FHIT: variants seen among roughly 807,000 people sequenced by gnomAD.
The protein encoded by FHIT is bis(5'-adenosyl)-triphosphatase.
Under a neutral mutation model 17.9 loss-of-function variants are expected in FHIT, and 19 were observed. That is an observed-to-expected ratio of 1.06 (90% CI 0.74 to 1.56). The LOEUF (loss-of-function observed/expected upper bound fraction) is 1.56, where lower values mean the gene tolerates loss of function less well. Ranked by LOEUF, FHIT falls within the 40% of genes most tolerant of loss-of-function variation. The pLI is 0.00. For missense variants in FHIT, 248 were observed against 189.2 expected (o/e 1.31, Z -1.82); for synonymous variants, 81 against 69.7 (o/e 1.16, Z -0.81).
At chr3:60,122,605 T>C (rs989904032) in intron 5 of FHIT, among the ~76,000 whole-genome samples, 1 of 152,018 alleles carries the variant, frequency 6.6e-6, no homozygotes, top group Non-Finnish European at 1.5e-5. Flanking sequence ...CCTGAAAACA[T>C]TCAATTCAGG....
intron 3 of FHIT, among the ~76,000 whole-genome samples, chr3:61,026,080 C>T (rs1377887312): frequency 6.6e-6 from 1 of 151,988 alleles, no homozygotes; most frequent in East Asian, 1.9e-4. Context: ...TACATCTATA[C>T]TTTTGTGCAT....
intron 2 of FHIT, among the ~76,000 whole-genome samples, chr3:61,112,535 T>C (rs1281305065): frequency 2.0e-5 from 3 of 152,170 alleles, no homozygotes; most frequent in African/African-American, 7.2e-5. Context: ...CAATATTTTC[T>C]TTTCCTTTTC....
At chr3:60,326,484 TG>T (rs10718005) in intron 5 of FHIT, among the ~76,000 whole-genome samples, 152,205 of 152,206 alleles carry the variant, frequency 1, 76,102 homozygotes, top group Non-Finnish European at 1. Flanking sequence ...CAGGCAGTAA[TG>T]GGAGTGATGG....
intron 5 of FHIT, among the ~76,000 whole-genome samples, chr3:60,407,378 G>T (rs1701905901): frequency 6.6e-6 from 1 of 152,016 alleles, no homozygotes; most frequent in Admixed American, 6.5e-5. Flanking sequence ...CAAAAGATAA[G>T]TAATTGAATC....
chr3:59,819,821 G>A (rs1333128120), intron 8 of FHIT, among the ~76,000 whole-genome samples: 1 of 152,220 alleles, frequency 6.6e-6, no homozygotes, highest in Non-Finnish European at 1.5e-5. Flanking sequence ...ATTAAGAGGA[G>A]CCTTTGGGGA....
intron 5 of FHIT, among the ~76,000 whole-genome samples, chr3:60,291,445 A>C (rs10049216): frequency 0.41 from 62,759 of 151,618 alleles, 14,683 homozygotes; most frequent in East Asian, 0.77. Context: ...TTTACTGTAC[A>C]TATGGTAACA....
intron 8 of FHIT, among the ~76,000 whole-genome samples, chr3:59,839,982 C>T (rs1353536111): frequency 6.6e-6 from 1 of 152,188 alleles, no homozygotes; most frequent in Admixed American, 6.5e-5. Context: ...TTTCATGTTT[C>T]ACCACTGAAT....
intron 3 of FHIT, among the ~76,000 whole-genome samples, chr3:60,825,203 G>GGT (rs1203691761): frequency 9.2e-5 from 14 of 151,978 alleles, no homozygotes; most frequent in Admixed American, 4.6e-4. Context: ...CTTCTTGGGG[G>GGT]GTATACCAGG....
chr3:60,084,013 T>C (rs1435280126), intron 5 of FHIT, among the ~76,000 whole-genome samples: 1 of 148,944 alleles, frequency 6.7e-6, no homozygotes, highest in East Asian at 2.0e-4. Context: ...ACAAGAAAGA[T>C]GACCACCACA....
At chr3:59,924,068 A>G (rs1171007582) in intron 7 of FHIT, among the ~76,000 whole-genome samples, 1 of 152,214 alleles carries the variant, frequency 6.6e-6, no homozygotes, top group African/African-American at 2.4e-5. Context: ...GAAAAAATAA[A>G]TCACAAACTA....
At chr3:60,545,147 T>G (rs2036318929) in intron 4 of FHIT, among the ~76,000 whole-genome samples, 1 of 152,086 alleles carries the variant, frequency 6.6e-6, no homozygotes, top group Admixed American at 6.5e-5. Flanking sequence ...CCTTTTCACA[T>G]AATACTGGTA....
At chr3:60,722,538 T>C (rs1453017952) in intron 4 of FHIT, among the ~76,000 whole-genome samples, 2 of 152,088 alleles carry the variant, frequency 1.3e-5, no homozygotes, top group Non-Finnish European at 2.9e-5. Context: ...TTCTTTGCTG[T>C]GAAGTGCTAT....
chr3:60,827,831 C>G (rs1486575931), intron 3 of FHIT, among the ~76,000 whole-genome samples: 1 of 152,192 alleles, frequency 6.6e-6, no homozygotes, highest in African/African-American at 2.4e-5. Flanking sequence ...TGTTCCTGGA[C>G]AGAAGCAAGG....
chr3:61,197,549 G>C (rs755219708), intron 2 of FHIT, among the ~76,000 whole-genome samples: 36 of 152,142 alleles, frequency 2.4e-4, no homozygotes, highest in Admixed American at 1.5e-3. Context: ...AGGGGAAATA[G>C]AGAAAACTTG....
At chr3:60,609,133 T>TG in intron 4 of FHIT, among the ~76,000 whole-genome samples, 1 of 152,176 alleles carries the variant, frequency 6.6e-6, no homozygotes, top group African/African-American at 2.4e-5. Context: ...GATTGATGCA[T>TG]GACTCCTGTT....
At chr3:60,984,297 G>A (rs1710621888) in intron 3 of FHIT, among the ~76,000 whole-genome samples, 1 of 152,128 alleles carries the variant, frequency 6.6e-6, no homozygotes, top group Non-Finnish European at 1.5e-5. Flanking sequence ...ATGTTTCATT[G>A]TGGTGTTATA....
chr3:61,151,984 T>C (rs373121638), intron 2 of FHIT, among the ~76,000 whole-genome samples: 2 of 152,236 alleles, frequency 1.3e-5, no homozygotes, highest in African/African-American at 2.4e-5. Context: ...AGCCTTTACA[T>C]TGGAATACTT....
chr3:61,031,288 C>A (rs752297445), intron 3 of FHIT, among the ~76,000 whole-genome samples: 1 of 152,044 alleles, frequency 6.6e-6, no homozygotes, highest in African/African-American at 2.4e-5. Context: ...GATACTTTTT[C>A]AAAATCCTCT....
chr3:59,986,656 T>C (rs1708943775), intron 7 of FHIT, among the ~76,000 whole-genome samples: 1 of 60,318 alleles, frequency 1.7e-5, no homozygotes, highest in African/African-American at 8.1e-5. Flanking sequence ...AATATTTTTA[T>C]GTATTTATAT....
Sources: allele counts gnomAD v4.1 joint callset (sites outside exome capture counted in the v4.1 genomes callset), GRCh38; gene constraint gnomAD v4.1.1; transcripts MANE v1.5; gene names NCBI Gene and HGNC (gene_info 2026-07-23, HGNC 2026-07-21).